Variants in PDE1C observed in about 807,000 individuals in gnomAD.
PDE1C encodes dual specificity calcium/calmodulin-dependent 3',5'-cyclic nucleotide phosphodiesterase 1C.
PDE1C carries 62 observed loss-of-function variants against 93.1 expected under a neutral mutation model. The ratio of observed to expected loss-of-function variants is 0.67; its 90% CI spans 0.54 to 0.82. PDE1C has a LOEUF of 0.82. Among genes scored for constraint, PDE1C ranks in the 40% least tolerant of loss-of-function variants. PDE1C has a pLI of 0.00. For synonymous variants in PDE1C, 325 were observed against 310.1 expected (o/e 1.05, Z -0.50); for missense variants, 742 against 884.6 (o/e 0.84, Z 2.04).
chr7:32,229,768 AT>A (rs1807558829), intron 1 of PDE1C, among the ~76,000 whole-genome samples: 2 of 152,250 alleles, frequency 1.3e-5, no homozygotes, highest in Non-Finnish European at 2.9e-5. Context: ...TGGGACCTGC[AT>A]CTTGTGCAAC....
intron 2 of PDE1C, among the ~76,000 whole-genome samples, chr7:31,924,480 C>T (rs1325393625): frequency 6.6e-6 from 1 of 152,200 alleles, no homozygotes; most frequent in Non-Finnish European, 1.5e-5. Flanking sequence ...AAGGCACTTG[C>T]TTGTTGCCTT....
chr7:32,135,731 T>C (rs1800168283), intron 3 of PDE1C, among the ~76,000 whole-genome samples: 1 of 152,194 alleles, frequency 6.6e-6, no homozygotes, highest in Non-Finnish European at 1.5e-5. Flanking sequence ...AGAATAGAAC[T>C]ACCACATAAC....
chr7:32,378,187 C>G (rs575917855), intron 1 of PDE1C, among the ~76,000 whole-genome samples: 1 of 152,298 alleles, frequency 6.6e-6, no homozygotes, highest in East Asian at 1.9e-4. Context: ...CTACCTCCTC[C>G]CTTACTCAGG....
chr7:32,044,492 C>G (rs1398828216), intron 2 of PDE1C, among the ~76,000 whole-genome samples: 1 of 152,022 alleles, frequency 6.6e-6, no homozygotes, highest in Non-Finnish European at 1.5e-5. Context: ...ATTTTTCAAA[C>G]ATAGAAGGCA....
chr7:32,392,530 A>G (rs1176687057), intron 1 of PDE1C, among the ~76,000 whole-genome samples: 1 of 152,204 alleles, frequency 6.6e-6, no homozygotes, highest in Non-Finnish European at 1.5e-5. Flanking sequence ...TAGAGACACA[A>G]AAATCCCCAA....
intron 1 of PDE1C, among the ~76,000 whole-genome samples, chr7:32,241,025 G>T (rs1229277076): frequency 6.6e-6 from 1 of 152,166 alleles, no homozygotes; most frequent in Admixed American, 6.5e-5. Flanking sequence ...TGCAAGAACG[G>T]AGATGCCATT....
intron 1 of PDE1C, among the ~76,000 whole-genome samples, chr7:32,232,502 G>A (rs1262210074): frequency 6.6e-6 from 1 of 152,174 alleles, no homozygotes; most frequent in African/African-American, 2.4e-5. Context: ...CCAGTGGCCT[G>A]AAATTCAGGC....
At chr7:31,741,161 C>G in the PDE1C span, among the ~76,000 whole-genome samples, 1 of 151,544 alleles carries the variant, frequency 6.6e-6, no homozygotes, top group African/African-American at 2.4e-5. Context: ...TTAGTCTCAG[C>G]TTTGTGGTGC....
intron 7 of PDE1C, among the ~76,000 whole-genome samples, chr7:31,860,885 G>T (rs906643466): frequency 6.6e-6 from 1 of 152,072 alleles, no homozygotes; most frequent in African/African-American, 2.4e-5. Flanking sequence ...GGGGGTGAAT[G>T]ACTCGAAGTA....
At chr7:31,822,591 T>C (rs1382216471) in intron 14 of PDE1C, among the ~76,000 whole-genome samples, 1 of 152,158 alleles carries the variant, frequency 6.6e-6, no homozygotes, top group Non-Finnish European at 1.5e-5. Flanking sequence ...GTTATATGGT[T>C]TGAGCAATGA....
rs182778080 is a variant in PDE1C at position 32,170,116 on chromosome 7, T to C, written c.137-160A>G. Among the ~76,000 whole-genome samples, 11 of 152,284 alleles carry C rather than the reference T, an allele frequency of 7.2e-5. No individual in the cohort carries two copies. The East Asian group carries it at 1.3e-3, about 19-fold the overall frequency. On this transcript the variant is annotated intron_variant, in intron 2 of 18. Transcript: ENST00000396193. Reference sequence around the variant, plus strand: ...AGAGTTGTAACCAGGAATTTTTACATTTATATGCAGAAAATAGGCTACCAC... The same window carrying C: ...AGAGTTGTAACCAGGAATTTTTACACTTATATGCAGAAAATAGGCTACCAC...
chr7:32,185,352 T>A (rs1562559072), intron 2 of PDE1C, among the ~76,000 whole-genome samples: 2 of 152,150 alleles, frequency 1.3e-5, no homozygotes, highest in Non-Finnish European at 2.9e-5. Flanking sequence ...ACTTACAGAT[T>A]TGCAGTGCCA....
intron 2 of PDE1C, among the ~76,000 whole-genome samples, chr7:31,989,582 CTT>C (rs145544962): frequency 0.056 from 8,509 of 152,216 alleles, 559 homozygotes; most frequent in African/African-American, 0.16. Flanking sequence ...TTCTCAAACA[CTT>C]TCTACATTCT....
chr7:31,664,910 G>A, the PDE1C span, among the ~76,000 whole-genome samples: 1 of 152,122 alleles, frequency 6.6e-6, no homozygotes. Context: ...CAGCCAGAGT[G>A]GCCTTTTATA....
chr7:31,913,900 A>T (rs531390974), intron 2 of PDE1C, among the ~76,000 whole-genome samples: 48 of 152,262 alleles, frequency 3.2e-4, no homozygotes, highest in Admixed American at 1.2e-3. Flanking sequence ...TCCACTTCAT[A>T]AATCTCCCTT....
rs187624625 is a variant in PDE1C, at chr7:31,904,021, A to C, written c.129-23161T>G. ...TATAATTGCACATTTATACAAATGT[A>C]TGTCATTTATAATTGCACATATGTA... On this transcript the variant is annotated intron_variant, in intron 2 of 17. Coordinates refer to ENST00000396191, the MANE Select transcript of PDE1C (RefSeq NM_001191057.4). 5.7e-4 allele frequency among the ~76,000 whole-genome samples: 87 copies of C among 152,318 alleles called. 1 individual carries two copies. Among genetic ancestry groups the C allele is most frequent in the African/African-American group, 2.0e-3 (84 of 41,590 alleles).
chr7:31,627,004 T>A, the PDE1C span, among the ~76,000 whole-genome samples: 2 of 152,390 alleles, frequency 1.3e-5, no homozygotes, highest in Admixed American at 1.3e-4. Context: ...TTATGAATTA[T>A]GTATGTCTAA....
intron 1 of PDE1C, among the ~76,000 whole-genome samples, chr7:32,341,168 A>G (rs577828846): frequency 1.0e-5 from 1 of 97,708 alleles, no homozygotes. Context: ...CTCTAGAAAT[A>G]AAGTCTTTTT....
chr7:32,312,940 A>C (rs1304028560), intron 1 of PDE1C, among the ~76,000 whole-genome samples: 1 of 152,226 alleles, frequency 6.6e-6, no homozygotes, highest in Admixed American at 6.5e-5. Flanking sequence ...TGCACAGTAA[A>C]AGAAACTTCT....
Sources: gnomAD v4.1 joint callset for allele counts (sites outside exome capture counted in the v4.1 genomes callset) on GRCh38, gnomAD v4.1.1 for gene constraint, MANE v1.5 for transcripts, NCBI Gene and HGNC (gene_info 2026-07-23, HGNC 2026-07-21) for gene names.